GSE1: variants seen among roughly 807,000 people sequenced by gnomAD.
GSE1 encodes Gse1 coiled-coil protein, also known as genetic suppressor element 1.
A neutral mutation model predicts 112.6 loss-of-function variants in GSE1; 32 were observed. That is an observed-to-expected ratio of 0.28 (90% CI 0.21 to 0.38). GSE1 has a LOEUF of 0.38. GSE1 is among the 10% of genes least tolerant of loss of function. The pLI, the probability that GSE1 is intolerant of heterozygous loss-of-function variation, is 1.00. For synonymous variants in GSE1, 1,115 were observed against 735.6 expected (o/e 1.52, Z -8.35); for missense variants, 2,348 against 1,699.2 (o/e 1.38, Z -6.71).
At chr16:85,318,279 G>T (rs996672652) in intron 1 of GSE1, among the ~76,000 whole-genome samples, 1 of 152,124 alleles carries the variant, frequency 6.6e-6, no homozygotes, top group Non-Finnish European at 1.5e-5. Flanking sequence ...TTTTTTGGAT[G>T]GGGGGATAGG....
chr16:85,271,822 A>G (rs1239466732), intron 1 of GSE1, among the ~76,000 whole-genome samples: 2 of 152,086 alleles, frequency 1.3e-5, no homozygotes, highest in Non-Finnish European at 2.9e-5. Flanking sequence ...TCGGGCTGTG[A>G]TGGTTTCTTG....
intron 2 of GSE1, among the ~76,000 whole-genome samples, chr16:85,478,881 TTCTTTCTTTC>T (rs2050558655): frequency 1.6e-5 from 1 of 61,618 alleles, no homozygotes; most frequent in Admixed American, 1.7e-4. Context: ...CTTTCTTTCT[TTCTTTCTTTC>T]TTTCTTTCTT....
intron 2 of GSE1, among the ~76,000 whole-genome samples, chr16:85,360,229 C>T (rs555207600): frequency 4.6e-5 from 7 of 151,806 alleles, no homozygotes; most frequent in South Asian, 4.2e-4. Context: ...CAACTCACTG[C>T]GTACTAGCGG....
chr16:85,370,328 CCCTCTG>C (rs2047268436), intron 2 of GSE1, among the ~76,000 whole-genome samples: 2 of 152,278 alleles, frequency 1.3e-5, no homozygotes, highest in South Asian at 4.1e-4. Context: ...CACTGGGCGT[CCCTCTG>C]CCTCTGCCTG....
At chr16:85,241,145 CTAGCTGCGT>C (rs1160229791) in intron 1 of GSE1, among the ~76,000 whole-genome samples, 41 of 152,058 alleles carry the variant, frequency 2.7e-4, no homozygotes, top group Non-Finnish European at 5.9e-5. Flanking sequence ...CTGATACTTC[CTAGCTGCGT>C]GACCTTGGGC....
intron 1 of GSE1, among the ~76,000 whole-genome samples, chr16:85,571,819 T>G (rs1284382041): frequency 6.6e-6 from 1 of 152,012 alleles, no homozygotes. Context: ...AGGGAGGAGC[T>G]GGCAGCAAGG....
chr16:85,634,255 A>G (rs1468657182), intron 2 of GSE1, 123 bp downstream of exon 2: 12 of 681,760 alleles, frequency 1.8e-5, no homozygotes, highest in Admixed American at 4.1e-5. Flanking sequence ...TGTGCTCTGC[A>G]TGGAGCAGGC....
chr16:85,415,033 C>T (rs2048672292), intron 2 of GSE1, among the ~76,000 whole-genome samples: 1 of 152,218 alleles, frequency 6.6e-6, no homozygotes, highest in Admixed American at 6.5e-5. Flanking sequence ...CAGCCTCTAC[C>T]TCCTGGGGTC....
rs532956103 is a variant in GSE1 at position 85,174,337 on chromosome 16, G to C, written c.2283+2530G>C. On this transcript the variant is annotated intron_variant, in intron 1 of 2. Coordinates refer to the GSE1 transcript ENST00000637419. ...TGAGAAGAGATCTGCTCAGGGCCCA[G>C]AGGTGGCAGCAATCCAGGTGGGTGG... Among the ~76,000 whole-genome samples, 8 of 152,366 alleles carry C rather than the reference G, an allele frequency of 5.3e-5. No homozygotes were observed. In the South Asian group the frequency reaches 1.7e-3, roughly 32 times the overall value.
intron 2 of GSE1, among the ~76,000 whole-genome samples, chr16:85,474,949 C>G (rs1356338430): frequency 6.6e-6 from 1 of 152,182 alleles, no homozygotes; most frequent in East Asian, 1.9e-4. Flanking sequence ...GTCTGAATTT[C>G]ACTGTAATCT....
intron 2 of GSE1, among the ~76,000 whole-genome samples, chr16:85,504,068 C>G (rs1001761710): frequency 4.6e-5 from 7 of 152,342 alleles, no homozygotes; most frequent in African/African-American, 1.4e-4. Flanking sequence ...CGGTGCTGCC[C>G]GCACCTCTCT....
intron 2 of GSE1, among the ~76,000 whole-genome samples, chr16:85,464,438 G>A (rs967392751): frequency 2.6e-5 from 4 of 152,218 alleles, no homozygotes; most frequent in African/African-American, 7.2e-5. Flanking sequence ...TTTGATCACG[G>A]CTCCCCTCTG....
At chr16:85,315,027 G>A (rs546011057) in intron 1 of GSE1, among the ~76,000 whole-genome samples, 1 of 152,362 alleles carries the variant, frequency 6.6e-6, no homozygotes, top group African/African-American at 2.4e-5. Context: ...AAAATCTGCA[G>A]CATGTCCCAG....
rs1304927596 is a variant in GSE1, at chr16:85,673,342, A to AAAAAC, written c.*807_*811dup. 1.3e-5 allele frequency: 2 copies of AAAAAC among 152,586 alleles called. No individual in the cohort carries two copies. Among genetic ancestry groups the AAAAAC allele is most frequent in the Admixed American group, 6.5e-5 (1 of 15,276 alleles). 9.5% of individuals were successfully genotyped at this position (152,586 alleles called of 1,614,324 possible). A position where few individuals can be genotyped will look rare whatever the true frequency, so the allele number is the denominator to read the frequency against. ...TTGTACTGTGTATATATATTAAAAA[A>AAAAAC]AAAACAAAGTTTTGTATGTTTTTAT... is the stretch of plus-strand genomic sequence containing the variant. On this transcript the variant is annotated 3_prime_UTR_variant, in exon 16 of 16. Coordinates refer to ENST00000253458, the MANE Select transcript of GSE1 (RefSeq NM_014615.5).
chr16:85,625,422 C>T (rs1168063763), intron 1 of GSE1, among the ~76,000 whole-genome samples: 1 of 152,182 alleles, frequency 6.6e-6, no homozygotes, highest in South Asian at 2.1e-4. Context: ...CAGCATCCAG[C>T]GCCTTCTGTG....
At chr16:85,619,246 C>A (rs1180260158) in intron 1 of GSE1, among the ~76,000 whole-genome samples, 1 of 152,220 alleles carries the variant, frequency 6.6e-6, no homozygotes, top group African/African-American at 2.4e-5. Flanking sequence ...CAAACTGTCC[C>A]TCCCCCAGCC....
intron 1 of GSE1, among the ~76,000 whole-genome samples, chr16:85,289,866 CAGAA>C (rs1013794984): frequency 2.0e-5 from 3 of 152,144 alleles, no homozygotes; most frequent in African/African-American, 7.2e-5. Context: ...CGGTTTTACT[CAGAA>C]AGAAGCCCCT....
Position 85,233,958 on chromosome 16 carries a change from C to G in GSE1, c.2283+62151C>G, listed in dbSNP as rs564034209. On this transcript the variant is annotated intron_variant, in intron 1 of 2. Coordinates refer to the GSE1 transcript ENST00000637419. ...ATCACATGGGCAGGAGCACAGAAGG[C>G]GGCTCCTCAAACCTGAATGGGCCCC... 3.3e-5 allele frequency among the ~76,000 whole-genome samples: 5 copies of G among 152,260 alleles called. No homozygotes were observed. In the East Asian group the frequency reaches 9.6e-4, roughly 29 times the overall value.
intron 2 of GSE1, among the ~76,000 whole-genome samples, chr16:85,417,228 G>C (rs2048723067): frequency 6.6e-6 from 1 of 152,192 alleles, no homozygotes. Flanking sequence ...GCACTGTTGG[G>C]TGTTTGCCAC....
Sources: gnomAD v4.1 joint callset for allele counts (sites outside exome capture counted in the v4.1 genomes callset) on GRCh38, gnomAD v4.1.1 for gene constraint, MANE v1.5 for transcripts, NCBI Gene and HGNC (gene_info 2026-07-23, HGNC 2026-07-21) for gene names.